The following ADGRF3 variants were observed in gnomAD, a reference collection of about 807,000 sequenced individuals.
ADGRF3 encodes the protein adhesion G protein-coupled receptor F3, also known as G protein-coupled receptor 113.
Under a neutral mutation model 93.2 loss-of-function variants are expected in ADGRF3, and 85 were observed. The ratio of observed to expected loss-of-function variants is 0.91; its 90% CI spans 0.77 to 1.09. ADGRF3 has a LOEUF of 1.09. ADGRF3 is among the 50% of genes least tolerant of loss of function. The pLI is 0.00. For synonymous variants in ADGRF3, 534 were observed against 532.5 expected (o/e 1.00, Z -0.04); for missense variants, 1,125 against 1,246.2 (o/e 0.90, Z 1.46).
At chr2:26,340,407 T>G (rs1353962978) in intron 1 of ADGRF3, 2 of 152,212 alleles carry the variant, frequency 1.3e-5, no homozygotes, top group Non-Finnish European at 2.9e-5. Context: ...CTAGTGACTT[T>G]CTCTTTCACC....
At chr2:26,345,413 G>A (rs568108051) in intron 1 of ADGRF3, among the ~76,000 whole-genome samples, 20 of 152,272 alleles carry the variant, frequency 1.3e-4, no homozygotes, top group Admixed American at 1.2e-3. Flanking sequence ...GGAGACACCA[G>A]CAATCTTAAT....
rs761487914 is a variant in ADGRF3 at position 26,312,012 on chromosome 2, G to A, written c.1512C>T (p.Ala504=). The A allele has an allele frequency of 6.2e-7, 1 of 1,613,138 alleles. No homozygotes were observed. Among genetic ancestry groups the A allele is most frequent in the South Asian group, 1.1e-5 (1 of 91,066 alleles). Residue 504 remains alanine (A), a synonymous_variant, in exon 10 of 14, where the codon GCC becomes GCT. Coordinates refer to ENST00000651242, the MANE Select transcript of ADGRF3 (RefSeq NM_001321971.2). ...DMDTRSLWTL[A]QARKPWAGST... ...AGCCTGCCCAGGGCTTCCGGGCTTGGGCCAGGGTCCACAGAGACCTGGTGT... is the reference window on the plus strand; with the variant it reads ...AGCCTGCCCAGGGCTTCCGGGCTTGAGCCAGGGTCCACAGAGACCTGGTGT...
intron 1 of ADGRF3, among the ~76,000 whole-genome samples, chr2:26,330,245 T>C (rs1034532009): frequency 6.6e-6 from 1 of 152,176 alleles, no homozygotes; most frequent in African/African-American, 2.4e-5. Flanking sequence ...GTCGATCTCT[T>C]AGTGCAGTTC....
chr2:26,311,415 C>A lies in ADGRF3; in HGVS notation c.2109G>T (p.Ala703=). Reference sequence around the variant, plus strand: ...CTCCCAAGCCCACTTGAGTCAGCAGCGCCAGAGCGGGTTCTTCCGGAACAG... The same window carrying A: ...CTCCCAAGCCCACTTGAGTCAGCAGAGCCAGAGCGGGTTCTTCCGGAACAG... ...PHTVPEEPAL[A]LLTQVGLGAS... The change falls in exon 10 of 14, where the codon GCG becomes GCT. Residue 703 remains alanine (A), a synonymous_variant. Transcript: ENST00000651242. 1.2e-6 allele frequency: 2 copies of A among 1,614,002 alleles called. No homozygotes were observed. The highest frequency in any genetic ancestry group is 1.7e-6 in the Non-Finnish European group (2 of 1,179,896).
rs1030023375 is a variant in ADGRF3, at chr2:26,312,997, G to A, written c.1395C>T (p.Tyr465=). 9 of 1,613,832 alleles carry A rather than the reference G, an allele frequency of 5.6e-6. No individual in the cohort carries two copies. Among genetic ancestry groups the A allele is most frequent in the African/African-American group, 1.3e-5 (1 of 74,938 alleles). The part of the protein sequence containing the change: ...DLLTLLSTMK[Y]VAKVVAEARI... ...TGGCCTCTGCCACCACCTTGGCCAC[G>A]TATTTCATGGTGCTCAGCAGGGTCA... The change falls in exon 9 of 14, where the codon TAC becomes TAT. Residue 465 remains tyrosine, a synonymous_variant. Coordinates refer to ENST00000651242, the MANE Select transcript of ADGRF3 (RefSeq NM_001321971.2).
intron 10 of ADGRF3, 138 bp from the exon 11 acceptor site, chr2:26,310,375 G>T: frequency 2.1e-6 from 2 of 941,588 alleles, no homozygotes; most frequent in Non-Finnish European, 3.2e-6. Flanking sequence ...TGGTGCATAG[G>T]ATCCATTTCA....
At chr2:26,309,885 A>T in intron 12 of ADGRF3, 158 bp downstream of exon 12, 1 of 1,528,102 alleles carries the variant, frequency 6.5e-7, no homozygotes, top group Non-Finnish European at 8.9e-7. Flanking sequence ...TGCTCATTCC[A>T]CTGGTGGGGA....
chr2:26,346,206 G>C lies in ADGRF3; in HGVS notation c.29C>G (p.Ser10Trp). ...AGCCTTGTAGCCGGGAGTCGCTGCC[G>C]AGTGGGCGCTCAGTTTTCGGGTCGT... MTTRKLSAH[S>W]AATPGYKAVT... is the part of the protein sequence containing the mutation. Residue 10 changes from serine to tryptophan, a missense_variant, in exon 1 of 14, where the codon TCG (serine) becomes TGG (tryptophan). Ser to Trp is a radical substitution (Grantham distance 177). Coordinates refer to ENST00000651242, the MANE Select transcript of ADGRF3 (RefSeq NM_001321971.2). 1.9e-6 allele frequency: 3 copies of C among 1,613,582 alleles called. No individual in the cohort carries two copies. The highest frequency in any genetic ancestry group is 2.5e-6 in the Non-Finnish European group (3 of 1,179,662).
intron 1 of ADGRF3, chr2:26,318,929 G>A (rs764378965): frequency 1.3e-6 from 2 of 1,551,540 alleles, no homozygotes; most frequent in Non-Finnish European, 8.7e-7. Context: ...TGTCGCCTCT[G>A]CAGACCTTCC....
chr2:26,308,972 C>G lies in ADGRF3; in HGVS notation c.*114G>C. On this transcript the variant is annotated 3_prime_UTR_variant, in exon 14 of 14. Coordinates refer to ENST00000651242, the MANE Select transcript of ADGRF3 (RefSeq NM_001321971.2). ...AAGGGAAATATAAGCCTGCCTTTCTCAAGGGCTGAGCTCCGGGAGGCGGGA... is the reference window on the plus strand; with the variant it reads ...AAGGGAAATATAAGCCTGCCTTTCTGAAGGGCTGAGCTCCGGGAGGCGGGA... The G allele has an allele frequency of 7.0e-7, 1 of 1,434,266 alleles. No individual in the cohort carries two copies. The highest frequency in any genetic ancestry group is 9.8e-7 in the Non-Finnish European group (1 of 1,021,756). The allele number at this position is 1,434,266 out of a possible 1,614,324, so 88.8% of individuals were successfully genotyped here.
At chr2:26,343,338 AG>A (rs2147932117) in intron 1 of ADGRF3, among the ~76,000 whole-genome samples, 1 of 152,338 alleles carries the variant, frequency 6.6e-6, no homozygotes, top group South Asian at 2.1e-4. Context: ...ATCTCAGAGA[AG>A]TTATATGATA....
At chr2:26,322,199 C>T (rs6546911) in intron 1 of ADGRF3, among the ~76,000 whole-genome samples, 81,311 of 147,756 alleles carry the variant, frequency 0.55, 23,160 homozygotes, top group African/African-American at 0.65. Context: ...GGAGAATCGC[C>T]TGAACCTGGG....
chr2:26,339,773 A>G (rs1676268445), intron 1 of ADGRF3, among the ~76,000 whole-genome samples: 2 of 152,168 alleles, frequency 1.3e-5, no homozygotes, highest in Non-Finnish European at 2.9e-5. Context: ...TGGAGACCCA[A>G]CTGCAAAATT....
intron 1 of ADGRF3, among the ~76,000 whole-genome samples, chr2:26,343,195 C>A (rs1676486178): frequency 6.6e-6 from 1 of 152,104 alleles, no homozygotes; most frequent in Non-Finnish European, 1.5e-5. Flanking sequence ...TAAGGGACCA[C>A]ATGTGGTCCC....
At chr2:26,316,824 G>A in intron 3 of ADGRF3, 88 bp downstream of exon 3, 1 of 1,406,298 alleles carries the variant, frequency 7.1e-7, no homozygotes, top group Non-Finnish European at 9.6e-7. Context: ...AATACAGAGG[G>A]GCTCACAGAG....
intron 13 of ADGRF3, 48 bp downstream of exon 13, chr2:26,309,478 C>T: frequency 6.3e-7 from 1 of 1,594,654 alleles, no homozygotes; most frequent in Non-Finnish European, 8.5e-7. Flanking sequence ...GCCACACCGT[C>T]CTCAATCCAC....
At chr2:26,309,737 G>A (rs140685582) in intron 12 of ADGRF3, among the ~76,000 whole-genome samples, 156 bp from the exon 13 acceptor site, 3 of 152,320 alleles carry the variant, frequency 2.0e-5, no homozygotes, top group Non-Finnish European at 4.4e-5. Flanking sequence ...ACTCCCATGA[G>A]TACTGATCCC....
chr2:26,317,064 G>A lies in ADGRF3; in HGVS notation c.182-9C>T. ...GGAGACCAGCGCTGATTCTACAGGA[G>A]CAGAGGGGACAGCTGGAGAGGACAG... On this transcript the variant is annotated splice_polypyrimidine_tract_variant and intron_variant, in intron 2 of 13. Transcript: ENST00000651242. 1 of 1,604,672 alleles carries A rather than the reference G, an allele frequency of 6.2e-7. No individual in the cohort carries two copies. The highest frequency in any genetic ancestry group is 1.1e-5 in the South Asian group (1 of 89,328).
chr2:26,336,722 T>TAAAAAA lies in ADGRF3; in HGVS notation c.114+9393_114+9398dup, dbSNP rs57691864. Among the ~76,000 whole-genome samples the TAAAAAA allele has an allele frequency of 1.5e-3, 33 of 22,076 alleles. 6 individuals carry two copies. Among genetic ancestry groups the TAAAAAA allele is most frequent in the South Asian group, 3.6e-3 (2 of 550 alleles). 14.5% of individuals were successfully genotyped at this position (22,076 alleles called of 152,430 possible). On this transcript the variant is annotated intron_variant, in intron 1 of 13. Transcript: ENST00000651242. ...ACCTTGGTGACAGAGTGAGACTCCA[T>TAAAAAA]AAAAAAAAAAAAAAAAAAAAAAAAA...
Sources: gnomAD v4.1 joint callset for allele counts (sites outside exome capture counted in the v4.1 genomes callset) on GRCh38, gnomAD v4.1.1 for gene constraint, MANE v1.5 for transcripts, NCBI Gene and HGNC (gene_info 2026-07-23, HGNC 2026-07-21) for gene names.